Variants in PRR5L observed in about 807,000 individuals in gnomAD.
PRR5L encodes proline rich 5 like.
In PRR5L, 21 loss-of-function variants were observed where a neutral mutation model predicts 36.4. That is an observed-to-expected ratio of 0.58 (90% CI 0.41 to 0.83). The LOEUF is 0.83. Among genes scored for constraint, PRR5L ranks in the 40% least tolerant of loss-of-function variants. PRR5L has a pLI of 0.00. For missense variants in PRR5L, 381 were observed against 473.3 expected (o/e 0.80, Z 1.81); for synonymous variants, 188 against 197.0 (o/e 0.95, Z 0.38).
At chr11:36,424,952 G>A (rs1464230097) in intron 4 of PRR5L, among the ~76,000 whole-genome samples, 1 of 152,158 alleles carries the variant, frequency 6.6e-6, no homozygotes, top group Non-Finnish European at 1.5e-5. Flanking sequence ...TTCCTGAGTA[G>A]TTGGGATTAC....
Position 36,341,623 on chromosome 11 carries a change from C to G in PRR5L, c.-126+45185C>G, listed in dbSNP as rs572860019. Among the ~76,000 whole-genome samples, 216 of 152,288 alleles carry G rather than the reference C, an allele frequency of 1.4e-3. 1 individual carries two copies. Among genetic ancestry groups the G allele is most frequent in the Middle Eastern group, 6.8e-3 (2 of 294 alleles). ...CCAATTCTGAATCTGGCCAAGTGACCATGAGCTTGTTTCTTGCTGCACAAA... is the reference window on the plus strand; with the variant it reads ...CCAATTCTGAATCTGGCCAAGTGACGATGAGCTTGTTTCTTGCTGCACAAA... On this transcript the variant is annotated intron_variant, in intron 1 of 8. Coordinates refer to ENST00000530639, the MANE Select transcript of PRR5L (RefSeq NM_001160167.2).
chr11:36,406,528 C>T (rs990949827), intron 3 of PRR5L, among the ~76,000 whole-genome samples: 3 of 152,206 alleles, frequency 2.0e-5, no homozygotes, highest in African/African-American at 7.2e-5. Flanking sequence ...TTGAATGAAG[C>T]TAGCCCTCCC....
chr11:36,395,547 T>C (rs553341320), intron 1 of PRR5L, among the ~76,000 whole-genome samples: 2 of 152,336 alleles, frequency 1.3e-5, no homozygotes, highest in African/African-American at 4.8e-5. Flanking sequence ...AGCTGCTCTA[T>C]GCTAAGTGGC....
At chr11:36,398,898 A>G (rs1857728318) in intron 1 of PRR5L, 2 of 152,236 alleles carry the variant, frequency 1.3e-5, no homozygotes, top group Admixed American at 1.3e-4. Flanking sequence ...ATGGAATGAG[A>G]GGCAGCTCCA....
chr11:36,425,535 C>T (rs868032275), intron 4 of PRR5L: 1 of 152,344 alleles, frequency 6.6e-6, no homozygotes. Context: ...TCCTTATAAA[C>T]ATAACCTTTT....
At chr11:36,437,315 G>A in intron 5 of PRR5L, 70 bp from the exon 6 acceptor site, 1 of 1,020,152 alleles carries the variant, frequency 9.8e-7, no homozygotes, top group Non-Finnish European at 1.6e-6. Flanking sequence ...ACTGTCTTCT[G>A]GCCTCTCCTA....
intron 1 of PRR5L, among the ~76,000 whole-genome samples, chr11:36,320,230 A>C (rs1234102425): frequency 1.3e-5 from 2 of 148,476 alleles, no homozygotes; most frequent in African/African-American, 5.0e-5. Flanking sequence ...AAGGTGATGA[A>C]CTGGGAATCT....
intron 1 of PRR5L, among the ~76,000 whole-genome samples, chr11:36,354,390 T>A (rs1857004976): frequency 6.6e-6 from 1 of 152,176 alleles, no homozygotes; most frequent in African/African-American, 2.4e-5. Flanking sequence ...GGAATAAGCC[T>A]TTGGGGCAGT....
intron 4 of PRR5L, among the ~76,000 whole-genome samples, chr11:36,428,580 C>T (rs1858430591): frequency 1.3e-5 from 2 of 152,120 alleles, no homozygotes; most frequent in African/African-American, 2.4e-5. Flanking sequence ...GCTTGGCTAA[C>T]TCAAAAGATC....
chr11:36,437,607 T>C (rs1858632172), intron 6 of PRR5L, 131 bp downstream of exon 6: 2 of 598,950 alleles, frequency 3.3e-6, no homozygotes, highest in Admixed American at 3.2e-5. Context: ...TTAAGGAGTT[T>C]AGAGATTGTT....
chr11:36,338,737 G>T (rs539627588), intron 1 of PRR5L, among the ~76,000 whole-genome samples: 66 of 152,148 alleles, frequency 4.3e-4, no homozygotes, highest in Middle Eastern at 3.4e-3. Context: ...ATGAAATCTG[G>T]TTTTTTTGAG....
chr11:36,403,527 G>C (rs1000647977), intron 3 of PRR5L, 149 bp downstream of exon 3: 1 of 612,074 alleles, frequency 1.6e-6, no homozygotes, highest in Non-Finnish European at 2.8e-6. Flanking sequence ...TGCTTTCATG[G>C]CTGTTGCGTT....
In PRR5L at chr11:36,367,574, T is replaced by G. The variant is rs145124208; in HGVS notation, c.-125-33423T>G. On this transcript the variant is annotated intron_variant, in intron 1 of 8. Transcript: ENST00000530639. ...TTTTTCCCCACAAGGAAACATTGAT[T>G]GACCTAAGGTTTGGCTTATACTAGA... Among the ~76,000 whole-genome samples, 725 of 152,314 alleles carry G rather than the reference T, an allele frequency of 4.8e-3. 7 individuals are homozygous for G. The highest frequency in any genetic ancestry group is 5.1e-3 in the Non-Finnish European group (347 of 68,036).
chr11:36,426,860 T>C (rs779898871), intron 4 of PRR5L, among the ~76,000 whole-genome samples: 1 of 152,216 alleles, frequency 6.6e-6, no homozygotes, highest in Non-Finnish European at 1.5e-5. Flanking sequence ...CTGGTCTGTG[T>C]GGAAAGTTCT....
intron 1 of PRR5L, among the ~76,000 whole-genome samples, chr11:36,353,718 G>A (rs919907894): frequency 6.6e-6 from 1 of 152,184 alleles, no homozygotes; most frequent in African/African-American, 2.4e-5. Flanking sequence ...AATAGGGTTA[G>A]CGCTCCTATA....
At chr11:36,357,609 C>T (rs1222242388) in intron 1 of PRR5L, among the ~76,000 whole-genome samples, 1 of 152,110 alleles carries the variant, frequency 6.6e-6, no homozygotes, top group Non-Finnish European at 1.5e-5. Flanking sequence ...TATACTCTGC[C>T]TGTGCTCTGT....
chr11:36,428,183 G>T (rs571295244), intron 4 of PRR5L, among the ~76,000 whole-genome samples: 1 of 152,310 alleles, frequency 6.6e-6, no homozygotes, highest in South Asian at 2.1e-4. Flanking sequence ...TGGAGCCCAG[G>T]CACCAGGGGT....
intron 1 of PRR5L, among the ~76,000 whole-genome samples, chr11:36,372,091 A>G (rs1857203963): frequency 6.6e-6 from 1 of 152,192 alleles, no homozygotes; most frequent in Non-Finnish European, 1.5e-5. Context: ...TAAAATGAAT[A>G]AATAAATGCG....
Position 36,463,860 on chromosome 11 carries a change from T to C in PRR5L, c.*1124T>C, listed in dbSNP as rs1859242402. The C allele has an allele frequency of 6.6e-6, 1 of 151,972 alleles. No individual in the cohort carries two copies. The highest frequency in any genetic ancestry group is 2.4e-5 in the African/African-American group (1 of 41,372). 9.4% of individuals were successfully genotyped at this position (151,972 alleles called of 1,614,324 possible). ...ACAATGGCTTGTGTAAATTCGTAAA[T>C]TTCATGGTTTCTAGGAAAAGCTGCA... On this transcript the variant is annotated 3_prime_UTR_variant, in exon 9 of 9. Coordinates refer to ENST00000530639, the MANE Select transcript of PRR5L (RefSeq NM_001160167.2).
Sources: gnomAD v4.1 joint callset for allele counts (sites outside exome capture counted in the v4.1 genomes callset) on GRCh38, gnomAD v4.1.1 for gene constraint, MANE v1.5 for transcripts, NCBI Gene and HGNC (gene_info 2026-07-23, HGNC 2026-07-21) for gene names.